Variants in SORBS2 observed in about 807,000 individuals in gnomAD.
The protein encoded by SORBS2 is sorbin and SH3 domain-containing protein 2.
Under a neutral mutation model 97.7 loss-of-function variants are expected in SORBS2, and 46 were observed. That is an observed-to-expected ratio of 0.47 (90% confidence interval 0.37 to 0.60). The LOEUF (loss-of-function observed/expected upper bound fraction) is 0.60. Among genes scored for constraint, SORBS2 ranks in the 20% least tolerant of loss-of-function variants. SORBS2 has a pLI of 0.00. For synonymous variants in SORBS2, 476 were observed against 473.4 expected (o/e 1.01, Z -0.07); for missense variants, 1,316 against 1,282.3 (o/e 1.03, Z -0.40).
At chr4:185,838,044 T>C (rs1278730623) in intron 1 of SORBS2, among the ~76,000 whole-genome samples, 1 of 152,216 alleles carries the variant, frequency 6.6e-6, no homozygotes, top group African/African-American at 2.4e-5. Context: ...CAGCTTCTTT[T>C]ATAACATTTC....
intron 1 of SORBS2, among the ~76,000 whole-genome samples, chr4:185,802,117 TTA>T (rs2099133856): frequency 1.3e-5 from 2 of 152,242 alleles, no homozygotes; most frequent in Admixed American, 6.5e-5. Context: ...GAGCAATTTA[TTA>T]TCATCTTCTG....
rs61733558 is a variant in SORBS2, at chr4:185,589,692, G to A, written c.2940C>T (p.Asp980=). ...AAGCGCACATACCCACAAACCAGCCGTCATCACACTTTTCCATGACATCAA... is the reference window on the plus strand; with the variant it reads ...AAGCGCACATACCCACAAACCAGCCATCATCACACTTTTCCATGACATCAA... The change falls in exon 14 of 15, where the codon GAC becomes GAT. Residue 980 remains aspartate, a synonymous_variant. Coordinates refer to ENST00000418609, the Ensembl canonical transcript of SORBS2. The A allele has an allele frequency of 7.4e-3, 11,954 of 1,605,796 alleles. 724 individuals are homozygous for A. The African/African-American group carries it at 0.14, about 19-fold the overall frequency.
chr4:185,830,872 G>A (rs1259623408), intron 1 of SORBS2, among the ~76,000 whole-genome samples: 3 of 152,206 alleles, frequency 2.0e-5, no homozygotes, highest in Non-Finnish European at 2.9e-5. Flanking sequence ...TTTTTCTCAC[G>A]GCCTCTGTTG....
At chr4:185,642,791 C>G (rs1238058777) in intron 4 of SORBS2, among the ~76,000 whole-genome samples, 1 of 152,196 alleles carries the variant, frequency 6.6e-6, no homozygotes, top group African/African-American at 2.4e-5. Flanking sequence ...TACCCCCCTG[C>G]CTTCTCTGTA....
In SORBS2 at chr4:185,684,690, A is replaced by G. The variant is rs1038534143; in HGVS notation, c.-197-5868T>C. 8.5e-7 allele frequency: 1 copy of G among 1,171,952 alleles called. No individual in the cohort carries two copies. The highest frequency in any genetic ancestry group is 1.2e-6 in the Non-Finnish European group (1 of 814,010). The allele number at this position is 1,171,952 out of a possible 1,614,324, so 72.6% of individuals were successfully genotyped here. A position where few individuals can be genotyped will look rare whatever the true frequency, so the allele number is the denominator to read the frequency against. Reference sequence around the variant, plus strand: ...TTCCTTTGCTTTTTACGTTTAGAACAAAAACAGTCAGAAGAGCTAGAAGCC... The same window carrying G: ...TTCCTTTGCTTTTTACGTTTAGAACGAAAACAGTCAGAAGAGCTAGAAGCC... On this transcript the variant is annotated intron_variant, in intron 2 of 20. Transcript: ENST00000284776. This position sits in a 1 kb window ranked among gnomAD's most constrained non-coding sequence, Gnocchi z 4.2.
intron 2 of SORBS2, among the ~76,000 whole-genome samples, chr4:185,685,682 C>T (rs938839411): frequency 7.2e-5 from 11 of 152,146 alleles, no homozygotes; most frequent in Non-Finnish European, 1.5e-4. Flanking sequence ...CAGGCACACA[C>T]CGGCTAACGT....
intron 2 of SORBS2, among the ~76,000 whole-genome samples, chr4:185,757,620 T>C (rs1205510512): frequency 6.6e-6 from 1 of 151,308 alleles, no homozygotes; most frequent in Non-Finnish European, 1.5e-5. Context: ...TTCCATGTCC[T>C]GGGAAATTAA....
chr4:185,661,438 C>T (rs75985399), upstream of SORBS2, among the ~76,000 whole-genome samples: 7 of 152,242 alleles, frequency 4.6e-5, no homozygotes, highest in African/African-American at 1.7e-4. Context: ...TTTTTATGAA[C>T]GTCCGTATGT....
At chr4:185,805,521 C>A (rs554692982) in intron 1 of SORBS2, among the ~76,000 whole-genome samples, 3 of 152,294 alleles carry the variant, frequency 2.0e-5, no homozygotes, top group East Asian at 1.9e-4. Flanking sequence ...CAAGTTTTCC[C>A]TGTAACTTTT....
At chr4:185,677,967 C>CAT (rs111888882) in intron 4 of SORBS2, among the ~76,000 whole-genome samples, 2,884 of 151,528 alleles carry the variant, frequency 0.019, 102 homozygotes, top group African/African-American at 0.064. Context: ...TAGACTTTGA[C>CAT]ATATATATAT....
intron 4 of SORBS2, chr4:185,638,899 G>A (rs1428979030): frequency 2.3e-5 from 34 of 1,484,936 alleles, no homozygotes; most frequent in Non-Finnish European, 3.0e-5. Context: ...CAGAGCCGGG[G>A]CGCGCGAGCT....
intron 2 of SORBS2, among the ~76,000 whole-genome samples, chr4:185,685,691 G>A (rs533494222): frequency 6.6e-6 from 1 of 152,090 alleles, no homozygotes; most frequent in Non-Finnish European, 1.5e-5. Flanking sequence ...ACCGGCTAAC[G>A]TTTTAACTTT....
intron 2 of SORBS2, chr4:185,772,392 T>A (rs2098976700): frequency 6.6e-6 from 1 of 152,090 alleles, no homozygotes. Context: ...GGAAAAAAAA[T>A]ATCTGGAAGT....
At chr4:185,952,044 T>TTATAGAG (rs1554057015) in intron 1 of SORBS2, among the ~76,000 whole-genome samples, 1 of 148,250 alleles carries the variant, frequency 6.7e-6, no homozygotes. Context: ...TTTTTTTTTT[T>TTATAGAG]TGATAGAGTC....
chr4:185,846,514 C>T (rs2099214637), intron 1 of SORBS2, among the ~76,000 whole-genome samples: 1 of 152,074 alleles, frequency 6.6e-6, no homozygotes, highest in Admixed American at 6.6e-5. Flanking sequence ...TTTATCTGTA[C>T]TCCTAAAAAA....
chr4:185,936,554 AAG>A (rs1157548769), intron 1 of SORBS2, among the ~76,000 whole-genome samples: 18 of 152,222 alleles, frequency 1.2e-4, no homozygotes, highest in Admixed American at 1.2e-3. Context: ...TTAATTTTTA[AAG>A]TAAATTTCCT....
At chr4:185,835,521 A>G (rs757582710) in intron 1 of SORBS2, among the ~76,000 whole-genome samples, 2 of 152,222 alleles carry the variant, frequency 1.3e-5, no homozygotes, top group Non-Finnish European at 2.9e-5. Context: ...ATAATTTGTC[A>G]ACAGAACATT....
intron 4 of SORBS2, among the ~76,000 whole-genome samples, chr4:185,632,418 T>TA (rs2096922863): frequency 6.6e-6 from 1 of 152,226 alleles, no homozygotes. Flanking sequence ...GCTAGTCTGA[T>TA]ATGTGTACAT....
intron 2 of SORBS2, among the ~76,000 whole-genome samples, chr4:185,699,407 C>T (rs2098226772): frequency 6.6e-6 from 1 of 151,008 alleles, no homozygotes; most frequent in African/African-American, 2.4e-5. Context: ...CTGCCTCATC[C>T]TGCAGAGTAG....
Sources: allele counts gnomAD v4.1 joint callset (sites outside exome capture counted in the v4.1 genomes callset), GRCh38; gene constraint gnomAD v4.1.1; non-coding constraint Gnocchi (gnomAD v3.1); transcripts MANE v1.5; gene names NCBI Gene and HGNC (gene_info 2026-07-23, HGNC 2026-07-21).